BICC1: variants seen among roughly 807,000 people sequenced by gnomAD.
The protein encoded by BICC1 is BicC family RNA binding protein 1.
BICC1 carries 43 observed loss-of-function variants against 111.0 expected under a neutral mutation model. The ratio of observed to expected loss-of-function variants is 0.39; its 90% CI spans 0.30 to 0.50. BICC1 has a LOEUF of 0.50. BICC1 is among the 20% of genes least tolerant of loss of function. BICC1 has a pLI of 0.88. For missense variants in BICC1, 1,091 were observed against 1,203.2 expected, an observed-to-expected ratio of 0.91 and a Z score of 1.38; for synonymous variants, 467 against 434.4, an observed-to-expected ratio of 1.07 and a Z score of -0.93.
intron 3 of BICC1, among the ~76,000 whole-genome samples, chr10:58,705,909 C>T (rs771758728): frequency 7.2e-5 from 11 of 152,048 alleles, no homozygotes; most frequent in South Asian, 6.2e-4. Context: ...ATCATTAGAG[C>T]TGGAGAGAAC....
At chr10:58,707,998 G>A (rs1262115935) in intron 3 of BICC1, among the ~76,000 whole-genome samples, 1 of 40,884 alleles carries the variant, frequency 2.4e-5, no homozygotes, top group Non-Finnish European at 4.7e-5. Context: ...CGCCTAGCCA[G>A]CTAATTTTTT....
chr10:58,706,585 T>C (rs1840393367), intron 3 of BICC1, among the ~76,000 whole-genome samples: 1 of 152,222 alleles, frequency 6.6e-6, no homozygotes, highest in Admixed American at 6.5e-5. Context: ...TATCCCCAGA[T>C]GTCAAAGGAG....
At chr10:58,574,479 T>C (rs570891619) in intron 1 of BICC1, among the ~76,000 whole-genome samples, 1 of 150,892 alleles carries the variant, frequency 6.6e-6, no homozygotes, top group African/African-American at 2.4e-5. Flanking sequence ...TGTATTGATA[T>C]GTTAAAGTAC....
At chr10:58,652,349 C>G (rs1838476239) in intron 2 of BICC1, among the ~76,000 whole-genome samples, 1 of 151,940 alleles carries the variant, frequency 6.6e-6, no homozygotes, top group Non-Finnish European at 1.5e-5. Context: ...ATTCACAGAC[C>G]CTCATTGCTG....
At chr10:58,680,463 A>G (rs1463378274) in intron 2 of BICC1, among the ~76,000 whole-genome samples, 1 of 152,190 alleles carries the variant, frequency 6.6e-6, no homozygotes, top group Non-Finnish European at 1.5e-5. Context: ...AATACAACTT[A>G]CAAGGAATGT....
At chr10:58,550,092 A>G (rs1359506571) in intron 1 of BICC1, among the ~76,000 whole-genome samples, 1 of 152,064 alleles carries the variant, frequency 6.6e-6, no homozygotes, top group Admixed American at 6.6e-5. Context: ...CATGGCTCAA[A>G]GCAGCCTCAA....
intron 1 of BICC1, among the ~76,000 whole-genome samples, chr10:58,526,634 T>G (rs1842550623): frequency 6.6e-6 from 1 of 152,178 alleles, no homozygotes; most frequent in South Asian, 2.1e-4. Context: ...TGTGTCCAAG[T>G]GTTCTCATTG....
intron 3 of BICC1, chr10:58,715,888 G>T: frequency 8.1e-7 from 1 of 1,229,846 alleles, no homozygotes; most frequent in Non-Finnish European, 1.2e-6. Flanking sequence ...ATCAAGCTCT[G>T]ATTCTTCCAG....
At chr10:58,827,231 A>T (rs1341770158) in intron 20 of BICC1, among the ~76,000 whole-genome samples, 1 of 152,210 alleles carries the variant, frequency 6.6e-6, no homozygotes, top group African/African-American at 2.4e-5. Context: ...AAGGTTGTAG[A>T]AGAGAACCCA....
chr10:58,775,857 A>G (rs1842736498), intron 3 of BICC1, among the ~76,000 whole-genome samples: 2 of 152,224 alleles, frequency 1.3e-5, no homozygotes, highest in South Asian at 4.1e-4. Flanking sequence ...ATTTTTGTGA[A>G]TATTACCAAC....
chr10:58,781,242 A>T (rs1296958574), intron 3 of BICC1, among the ~76,000 whole-genome samples: 1 of 152,128 alleles, frequency 6.6e-6, no homozygotes, highest in Non-Finnish European at 1.5e-5. Flanking sequence ...CTTTTTTGGA[A>T]AGTACCACAC....
chr10:58,752,723 T>C (rs759796152), intron 3 of BICC1, among the ~76,000 whole-genome samples: 2 of 152,194 alleles, frequency 1.3e-5, no homozygotes, highest in Non-Finnish European at 2.9e-5. Flanking sequence ...ACCATAGTGG[T>C]GGGCAATGTT....
intron 1 of BICC1, among the ~76,000 whole-genome samples, chr10:58,590,000 A>G (rs1412627088): frequency 6.6e-6 from 1 of 151,818 alleles, no homozygotes; most frequent in East Asian, 1.9e-4. Context: ...TCCTATCCTC[A>G]CCCATGTGTA....
intron 3 of BICC1, among the ~76,000 whole-genome samples, chr10:58,719,551 G>C (rs975434799): frequency 6.6e-6 from 1 of 152,092 alleles, no homozygotes; most frequent in African/African-American, 2.4e-5. Context: ...CTGTCGCCCA[G>C]GCTGGAGTGC....
At chr10:58,696,822 A>G (rs1840077650) in intron 2 of BICC1, among the ~76,000 whole-genome samples, 1 of 152,214 alleles carries the variant, frequency 6.6e-6, no homozygotes, top group Non-Finnish European at 1.5e-5. Flanking sequence ...ATTCAACATC[A>G]GATGTTTGTT....
intron 2 of BICC1, among the ~76,000 whole-genome samples, chr10:58,669,379 A>G (rs1052322843): frequency 1.3e-5 from 2 of 152,142 alleles, no homozygotes; most frequent in Non-Finnish European, 2.9e-5. Context: ...GTCTATTTGG[A>G]GCATCTGAAT....
intron 3 of BICC1, chr10:58,716,078 G>A (rs186973109): frequency 0.013 from 19,762 of 1,480,328 alleles, 197 homozygotes; most frequent in Non-Finnish European, 0.016. Context: ...GATATTAAAG[G>A]ACTCAGCAAA....
At chr10:58,641,759 T>C (rs1361851632) in intron 2 of BICC1, among the ~76,000 whole-genome samples, 1 of 152,222 alleles carries the variant, frequency 6.6e-6, no homozygotes, top group East Asian at 1.9e-4. Context: ...GAGATTCTTT[T>C]TTCAAGAAAT....
chr10:58,682,353 C>T (rs1839554818), intron 2 of BICC1, among the ~76,000 whole-genome samples: 2 of 152,050 alleles, frequency 1.3e-5, no homozygotes, highest in Non-Finnish European at 2.9e-5. Flanking sequence ...TTGATAGCAG[C>T]ATGATTTATA....
Sources: gnomAD v4.1 joint callset for allele counts (sites outside exome capture counted in the v4.1 genomes callset) on GRCh38, gnomAD v4.1.1 for gene constraint, MANE v1.5 for transcripts, NCBI Gene and HGNC (gene_info 2026-07-23, HGNC 2026-07-21) for gene names.